Variants in PSMB1 observed in about 807,000 individuals in gnomAD.
PSMB1 encodes proteasome subunit beta type-1.
In PSMB1, 7 loss-of-function variants were observed where a neutral mutation model predicts 25.4. The ratio of observed to expected loss-of-function variants is 0.28; its 90% CI spans 0.16 to 0.52. PSMB1 has a LOEUF of 0.52. PSMB1 is among the 20% of genes least tolerant of loss of function. The pLI, the probability that PSMB1 is intolerant of heterozygous loss-of-function variation, is 0.97. For missense variants in PSMB1, 284 were observed against 302.2 expected (o/e 0.94, Z 0.45); for synonymous variants, 119 against 115.0 (o/e 1.03, Z -0.22).
At chr6:170,543,202 T>C (rs144162504) in intron 4 of PSMB1, among the ~76,000 whole-genome samples, 23 of 152,364 alleles carry the variant, frequency 1.5e-4, no homozygotes, top group Middle Eastern at 3.4e-3. Flanking sequence ...AGATGCTTAT[T>C]ATTAATTACC....
chr6:170,551,461 A>T (rs3800236), intron 1 of PSMB1, among the ~76,000 whole-genome samples: 66,643 of 152,060 alleles, frequency 0.44, 15,075 homozygotes, highest in East Asian at 0.77. Context: ...GCTGCAGTAA[A>T]CACTAAAGAA....
At position 170,543,644 on chromosome 6, in the gene PSMB1, A is replaced by C. The variant is rs1583114668; in HGVS notation, c.390T>G (p.Phe130Leu). 2 of 1,612,198 alleles carry C rather than the reference A, an allele frequency of 1.2e-6. No homozygotes were observed. Among genetic ancestry groups the C allele is most frequent in the Non-Finnish European group, 1.7e-6 (2 of 1,178,358 alleles). ...CGATGATGTTGTAAACATAGTATGG[A>C]AAGAAGCGCCTTGAATACAGGATTG... ...LSTILYSRRF[F>L]PYYVYNIIGG... The change falls in exon 4 of 6, where the codon TTT becomes TTG. Residue 130 changes from phenylalanine (F) to leucine (L), a missense_variant. Coordinates refer to ENST00000262193, the MANE Select transcript of PSMB1 (RefSeq NM_002793.4).
At chr6:170,549,506 A>ATT in intron 1 of PSMB1, 1 of 158,238 alleles carries the variant, frequency 6.3e-6, no homozygotes, top group Non-Finnish European at 1.4e-5. Flanking sequence ...AGAAGATGAG[A>ATT]TTTTTTTTTC....
intron 3 of PSMB1, 26 bp downstream of exon 3, chr6:170,546,077 G>C (rs892290581): frequency 4.4e-6 from 7 of 1,573,246 alleles, no homozygotes; most frequent in Non-Finnish European, 6.1e-6. Context: ...ATTTAAAATA[G>C]TGTAGAAATG....
chr6:170,548,971 G>A (rs1488342629), intron 2 of PSMB1, 35 bp downstream of exon 2: 3 of 1,402,362 alleles, frequency 2.1e-6, no homozygotes, highest in Non-Finnish European at 3.0e-6. Context: ...TCATTACAAA[G>A]GCATTGTGAA....
Position 170,550,902 on chromosome 6 carries a change from TGAGGG to T in PSMB1, c.114-1794_114-1790del, listed in dbSNP as rs1318530938. 4.9e-3 allele frequency among the ~76,000 whole-genome samples: 22 copies of T among 4,476 alleles called. 1 individual carries two copies. The highest frequency in any genetic ancestry group is 0.012 in the Admixed American group (4 of 328). 2.9% of individuals were successfully genotyped at this position (4,476 alleles called of 152,430 possible). On this transcript the variant is annotated intron_variant, in intron 1 of 5. Coordinates refer to ENST00000262193, the MANE Select transcript of PSMB1 (RefSeq NM_002793.4). The stretch of plus-strand genomic sequence containing the variant: ...CTGTAATCCCAACACTTTGGGAGGC[TGAGGG>T]GGGGGGGGGGGGTCAATTGCCTGAG...
intron 2 of PSMB1, among the ~76,000 whole-genome samples, chr6:170,547,282 A>C (rs1424061289): frequency 6.6e-6 from 1 of 152,220 alleles, no homozygotes; most frequent in African/African-American, 2.4e-5. Context: ...CTCTAGACTC[A>C]CCAGTGAGTA....
chr6:170,548,481 T>G (rs1583116753), intron 2 of PSMB1, among the ~76,000 whole-genome samples: 1 of 152,048 alleles, frequency 6.6e-6, no homozygotes, highest in Admixed American at 6.6e-5. Context: ...GCTTAGGATA[T>G]TTCTAAAACG....
intron 1 of PSMB1, among the ~76,000 whole-genome samples, chr6:170,551,578 G>A (rs954461716): frequency 4.9e-4 from 74 of 152,046 alleles, no homozygotes; most frequent in Non-Finnish European, 9.3e-4. Context: ...AACGAGTAGG[G>A]CATACTGAAC....
At chr6:170,545,994 A>G in intron 3 of PSMB1, 109 bp downstream of exon 3, 1 of 861,378 alleles carries the variant, frequency 1.2e-6, no homozygotes, top group Non-Finnish European at 1.8e-6. Context: ...TTCATCTACT[A>G]ACCTAGTGAC....
chr6:170,535,786 T>C (rs2114973615), intron 5 of PSMB1, among the ~76,000 whole-genome samples: 1 of 152,292 alleles, frequency 6.6e-6, no homozygotes, highest in Middle Eastern at 3.4e-3. Context: ...AGGTGAGCGC[T>C]GAAGGCTACA....
chr6:170,538,022 G>A (rs964474810), intron 4 of PSMB1, among the ~76,000 whole-genome samples: 2 of 152,204 alleles, frequency 1.3e-5, no homozygotes, highest in Non-Finnish European at 2.9e-5. Flanking sequence ...ATACGATACT[G>A]CTTTTGTTTA....
intron 1 of PSMB1, among the ~76,000 whole-genome samples, chr6:170,551,496 A>T (rs1371995053): frequency 6.6e-6 from 1 of 152,242 alleles, no homozygotes; most frequent in Non-Finnish European, 1.5e-5. Context: ...GAGAAAAAGT[A>T]ATCAGAAAGA....
At chr6:170,539,756 T>C (rs373497584) in intron 4 of PSMB1, among the ~76,000 whole-genome samples, 4 of 152,102 alleles carry the variant, frequency 2.6e-5, no homozygotes, top group Non-Finnish European at 5.9e-5. Context: ...ACAAGCATAA[T>C]TGGGGAAGTA....
At chr6:170,542,805 T>C (rs927687947) in intron 4 of PSMB1, among the ~76,000 whole-genome samples, 2 of 152,178 alleles carry the variant, frequency 1.3e-5, no homozygotes, top group African/African-American at 4.8e-5. Context: ...ACACAGAAGA[T>C]GGGCTTACTC....
intron 2 of PSMB1, 34 bp from the exon 3 acceptor site, chr6:170,546,218 TTAGATAG>T (rs1296878869): frequency 1.3e-6 from 2 of 1,566,702 alleles, no homozygotes; most frequent in Non-Finnish European, 1.8e-6. Context: ...ACTGAGCTGG[TTAGATAG>T]TAGAGCAAAA....
At chr6:170,546,043 A>G in intron 3 of PSMB1, 60 bp downstream of exon 3, 1 of 1,442,898 alleles carries the variant, frequency 6.9e-7, no homozygotes, top group Admixed American at 1.9e-5. Flanking sequence ...TGTAGGCTTA[A>G]AAGAATTTAA....
intron 1 of PSMB1, among the ~76,000 whole-genome samples, chr6:170,551,998 T>C (rs931285878): frequency 2.6e-5 from 4 of 152,226 alleles, no homozygotes; most frequent in South Asian, 2.1e-4. Context: ...AATCAGACTT[T>C]CGTTATCTTT....
In PSMB1 at chr6:170,542,062, A is replaced by T. The variant is rs117281470; in HGVS notation, c.433+1539T>A. Reference sequence around the variant, plus strand: ...ATTAATTTGTAGCTAGACTCTAATTACCCATGTTAAAGGTAATTCATTTCT... The same window carrying T: ...ATTAATTTGTAGCTAGACTCTAATTTCCCATGTTAAAGGTAATTCATTTCT... On this transcript the variant is annotated intron_variant, in intron 4 of 5. Transcript: ENST00000262193. Among the ~76,000 whole-genome samples, 923 of 152,338 alleles carry T rather than the reference A, an allele frequency of 6.1e-3. 13 individuals are homozygous for T. Among genetic ancestry groups the T allele is most frequent in the East Asian group, 0.044 (229 of 5,180 alleles).
Sources: allele counts gnomAD v4.1 joint callset (sites outside exome capture counted in the v4.1 genomes callset), GRCh38; gene constraint gnomAD v4.1.1; transcripts MANE v1.5; gene names NCBI Gene and HGNC (gene_info 2026-07-23, HGNC 2026-07-21).